The following MRC2 variants were observed in gnomAD, a reference collection of about 807,000 sequenced individuals.
MRC2 encodes the protein C-type mannose receptor 2.
A neutral mutation model predicts 206.2 loss-of-function variants in MRC2; 84 were observed. The ratio of observed to expected loss-of-function variants is 0.41; its 90% confidence interval spans 0.34 to 0.49. The LOEUF is 0.49. MRC2 is among the 20% of genes least tolerant of loss of function. MRC2 has a pLI of 0.31. For missense variants in MRC2, 1,676 were observed against 2,001.5 expected, an observed-to-expected ratio of 0.84 and a Z score of 3.10; for synonymous variants, 798 against 800.0, an observed-to-expected ratio of 1.00 and a Z score of 0.04.
chr17:62,664,990 G>T lies in MRC2; in HGVS notation c.520+41G>T. ...CAGGCGGGAGGGTGGGGTCCCCGATGTCCAGGGGACTGGAGCCATGAGGGA... is the reference window on the plus strand; with the variant it reads ...CAGGCGGGAGGGTGGGGTCCCCGATTTCCAGGGGACTGGAGCCATGAGGGA... On this transcript the variant is annotated intron_variant, in intron 2 of 29. Transcript: ENST00000303375. The surrounding 1 kb of genome is among the most constrained non-coding windows in gnomAD (Gnocchi z 4.7). 6.4e-7 allele frequency: 1 copy of T among 1,554,374 alleles called. No individual in the cohort carries two copies.
intron 1 of MRC2, among the ~76,000 whole-genome samples, chr17:62,634,977 C>T (rs1031001321): frequency 6.6e-6 from 1 of 151,472 alleles, no homozygotes; most frequent in Non-Finnish European, 1.5e-5. Flanking sequence ...ACTACAGGCA[C>T]GTGCCACCAC....
In MRC2 at chr17:62,675,894, C is replaced by G. The variant is rs771977309; in HGVS notation, c.1674C>G (p.Thr558=). 1.9e-6 allele frequency: 3 copies of G among 1,613,876 alleles called. No individual in the cohort carries two copies. In the East Asian group the frequency reaches 6.7e-5, roughly 36 times the overall value. ...CTGACCATGGCTCTCAGCTGGTCAC[C>G]ATCACCAACAGGTACAGCAGGGGCG... ...LCTDHGSQLV[T]ITNRFEQAFV... is the part of the protein sequence containing the mutation. Residue 558 remains threonine, a synonymous_variant, in exon 10 of 30, where the codon ACC becomes ACG. Transcript: ENST00000303375. The surrounding 1 kb of genome is among the most constrained non-coding windows in gnomAD (Gnocchi z 4.1).
intron 1 of MRC2, among the ~76,000 whole-genome samples, chr17:62,645,497 T>TTTTA (rs1555675877): frequency 5.3e-5 from 5 of 93,812 alleles, no homozygotes; most frequent in African/African-American, 2.0e-4. Flanking sequence ...TGTGTATATA[T>TTTTA]TATATATATA....
In MRC2 at chr17:62,689,706, G is replaced by A. The variant is rs140025415; in HGVS notation, c.3519G>A (p.Thr1173=). ...VPDPYTQAFL[T]QAARGLRTPL... ...ACCCCTACACCCAGGCCTTCCTCAC[G>A]CAGGCTGCCCGAGGGCTGCGCACGC... The change falls in exon 24 of 30, where the codon ACG becomes ACA. Residue 1173 remains threonine, a synonymous_variant. Coordinates refer to ENST00000303375, the MANE Select transcript of MRC2 (RefSeq NM_006039.5). 23 of 1,573,564 alleles carry A rather than the reference G, an allele frequency of 1.5e-5. No homozygotes were observed. The highest frequency in any genetic ancestry group is 1.8e-5 in the Non-Finnish European group (21 of 1,160,598).
rs2089125079 is a variant in MRC2, at chr17:62,692,476, G to C, written c.*25G>C. ...GAGCCAGGCGCGTGGGCAGGGCCAG[G>C]GCGGGAGGAGCTGGGGAGCTGGGGC... On this transcript the variant is annotated 3_prime_UTR_variant, in exon 30 of 30. Transcript: ENST00000303375. This position sits in a 1 kb window ranked among gnomAD's most constrained non-coding sequence, Gnocchi z 4.2. The C allele has an allele frequency of 6.5e-7, 1 of 1,541,708 alleles. No homozygotes were observed. The highest frequency in any genetic ancestry group is 2.4e-5 in the East Asian group (1 of 40,840).
chr17:62,675,732 T>A lies in MRC2; in HGVS notation c.1570-58T>A. ...CATCTCCCACCACAGGATTTATGGG[T>A]GAGGGTGGAGAGTCATCTTCCCTAC... On this transcript the variant is annotated intron_variant, in intron 9 of 29. Coordinates refer to ENST00000303375, the MANE Select transcript of MRC2 (RefSeq NM_006039.5). This position sits in a 1 kb window ranked among gnomAD's most constrained non-coding sequence, Gnocchi z 4.1. 7.5e-7 allele frequency: 1 copy of A among 1,341,682 alleles called. No individual in the cohort carries two copies. Among genetic ancestry groups the A allele is most frequent in the African/African-American group, 1.4e-5 (1 of 69,626 alleles). The allele number at this position is 1,341,682 out of a possible 1,614,324, so 83.1% of individuals were successfully genotyped here. A position where few individuals can be genotyped will look rare whatever the true frequency, so the allele number is the denominator to read the frequency against.
Position 62,680,221 on chromosome 17 carries a change from G to C in MRC2, c.2350G>C (p.Gly784Arg). 1 of 1,614,126 alleles carries C rather than the reference G, an allele frequency of 6.2e-7. No homozygotes were observed. Among genetic ancestry groups the C allele is most frequent in the Non-Finnish European group, 8.5e-7 (1 of 1,180,014 alleles). The change falls in exon 15 of 30, where the codon GGC becomes CGC. Residue 784 changes from glycine to arginine, a missense_variant. Around this residue, in one of 3 missense-constraint regions of MRC2, gnomAD observed 1,354 missense variants for 1,636.6 expected, o/e 0.83. Coordinates refer to ENST00000303375, the MANE Select transcript of MRC2 (RefSeq NM_006039.5). This position sits in a 1 kb window ranked among gnomAD's most constrained non-coding sequence, Gnocchi z 4.8. ...CCGGCACGACGACGACGACATCCGA[G>C]GCTGTGCGGTGCTGGACCTGGCCTC... ...RSRHDDDDIR[G>R]CAVLDLASLQ...
At position 62,652,857 on chromosome 17, in the gene MRC2, G is replaced by T. The variant is rs1172293168; in HGVS notation, c.119-11691G>T. Among the ~76,000 whole-genome samples, 18 of 149,112 alleles carry T rather than the reference G, an allele frequency of 1.2e-4. No individual in the cohort carries two copies. The highest frequency in any genetic ancestry group is 2.1e-4 in the Non-Finnish European group (14 of 67,146). On this transcript the variant is annotated intron_variant, in intron 1 of 29. Coordinates refer to ENST00000303375, the MANE Select transcript of MRC2 (RefSeq NM_006039.5). The surrounding 1 kb of genome is among the most constrained non-coding windows in gnomAD (Gnocchi z 4.6). ...GAGGGGCGTGCCGCAGATTGAGGGC[G>T]AACGGTGGCTTGGGGAGGGGCGCTC...
At chr17:62,648,205 A>G (rs1004271196) in intron 1 of MRC2, among the ~76,000 whole-genome samples, 11 of 152,254 alleles carry the variant, frequency 7.2e-5, no homozygotes, top group African/African-American at 2.7e-4. Flanking sequence ...GGAGTTCGAG[A>G]CCAGCCTGGC....
intron 20 of MRC2, among the ~76,000 whole-genome samples, chr17:62,686,456 AAC>A (rs2089033875): frequency 8.8e-5 from 1 of 11,362 alleles, no homozygotes; most frequent in African/African-American, 9.2e-5. Flanking sequence ...CCATCTCAAC[AAC>A]AACAACAACA....
intron 1 of MRC2, among the ~76,000 whole-genome samples, chr17:62,655,064 T>C (rs2088600185): frequency 6.6e-6 from 1 of 152,202 alleles, no homozygotes; most frequent in Non-Finnish European, 1.5e-5. Context: ...GGCAGGCGGA[T>C]CACGAGGTCA....
At chr17:62,640,017 C>CGTTTTTTTTTT (rs2088379349) in intron 1 of MRC2, among the ~76,000 whole-genome samples, 1 of 74,350 alleles carries the variant, frequency 1.3e-5, no homozygotes, top group African/African-American at 5.5e-5. Context: ...CCATGCCCAG[C>CGTTTTTTTTTT]TTTTTTTTTT....
chr17:62,677,216 G>C (rs1412038933), intron 11 of MRC2, 53 bp from the exon 12 acceptor site: 9 of 1,437,714 alleles, frequency 6.3e-6, no homozygotes, highest in Non-Finnish European at 8.5e-6. Context: ...TGTGAGGGAG[G>C]ACCAGACTAT....
At chr17:62,691,771 C>CAAA (rs549279909) in intron 28 of MRC2, among the ~76,000 whole-genome samples, 37 of 65,872 alleles carry the variant, frequency 5.6e-4, no homozygotes, top group Non-Finnish European at 6.6e-4. Context: ...ACCCTGTCTC[C>CAAA]AAAAAAAAAA....
At chr17:62,685,166 AC>A (rs58918018) in intron 20 of MRC2, among the ~76,000 whole-genome samples, 134,590 of 150,156 alleles carry the variant, frequency 0.9, 61,360 homozygotes, top group Non-Finnish European at 0.98. Context: ...CAAAAACCAC[AC>A]AAAAAAAAAA....
At chr17:62,646,216 G>T (rs1205283969) in intron 1 of MRC2, among the ~76,000 whole-genome samples, 1 of 151,784 alleles carries the variant, frequency 6.6e-6, no homozygotes, top group African/African-American at 2.4e-5. Flanking sequence ...AGTAGAGACG[G>T]GGTTTCACCG....
intron 1 of MRC2, among the ~76,000 whole-genome samples, chr17:62,658,371 C>G (rs1319022365): frequency 3.9e-5 from 6 of 152,170 alleles, no homozygotes; most frequent in Non-Finnish European, 7.3e-5. Flanking sequence ...GGATTTGAAC[C>G]CAGAGCCTAG....
chr17:62,683,362 G>C (rs1259472845), intron 20 of MRC2, among the ~76,000 whole-genome samples: 2 of 151,912 alleles, frequency 1.3e-5, no homozygotes, highest in African/African-American at 4.8e-5. Context: ...CAGCTACTCG[G>C]GAGGATGAGG....
chr17:62,638,390 A>T (rs1328924659), intron 1 of MRC2, among the ~76,000 whole-genome samples: 1 of 152,210 alleles, frequency 6.6e-6, no homozygotes, highest in Non-Finnish European at 1.5e-5. Context: ...TAAGAAAATA[A>T]TGTGAGACAC....
Sources: gnomAD v4.1 joint callset for allele counts (sites outside exome capture counted in the v4.1 genomes callset) on GRCh38, gnomAD v4.1.1 for gene constraint, gnomAD v4.1.1 regional missense constraint, Gnocchi (gnomAD v3.1) non-coding constraint, MANE v1.5 for transcripts, NCBI Gene and HGNC (gene_info 2026-07-23, HGNC 2026-07-21) for gene names.